TENM3: variants seen among roughly 807,000 people sequenced by gnomAD.
The protein encoded by TENM3 is teneurin-3.
A neutral mutation model predicts 255.1 loss-of-function variants in TENM3; 63 were observed. The observed-to-expected ratio is 0.25, with a 90% CI of 0.20 to 0.30. The LOEUF (loss-of-function observed/expected upper bound fraction) is 0.30. TENM3 is among the 10% of genes least tolerant of loss of function. TENM3 has a pLI of 1.00. For synonymous variants in TENM3, 1,306 were observed against 1,322.3 expected (o/e 0.99, Z 0.27); for missense variants, 2,929 against 3,461.1 (o/e 0.85, Z 3.86).
chr4:181,451,330 C>T, the TENM3 span, among the ~76,000 whole-genome samples: 3 of 152,228 alleles, frequency 2.0e-5, no homozygotes, highest in East Asian at 3.9e-4. Flanking sequence ...AGAGAACATA[C>T]TGGTGCAATG....
the TENM3 span, among the ~76,000 whole-genome samples, chr4:181,547,767 T>G: frequency 6.6e-6 from 1 of 151,336 alleles, no homozygotes; most frequent in Non-Finnish European, 1.5e-5. Context: ...ATATCCCAAC[T>G]TTTTTTTTAC....
At chr4:181,500,722 T>G in the TENM3 span, among the ~76,000 whole-genome samples, 1 of 152,226 alleles carries the variant, frequency 6.6e-6, no homozygotes, top group Non-Finnish European at 1.5e-5. Flanking sequence ...TTGTATTTAC[T>G]TTTATCGATA....
intron 1 of TENM3, among the ~76,000 whole-genome samples, chr4:182,317,216 TTC>T (rs1762799580): frequency 6.6e-6 from 1 of 152,186 alleles, no homozygotes; most frequent in Non-Finnish European, 1.5e-5. Context: ...ATATTGATTT[TTC>T]TCTGTCTCTG....
chr4:181,460,604 C>T, the TENM3 span, among the ~76,000 whole-genome samples: 2 of 50,164 alleles, frequency 4.0e-5, no homozygotes, highest in African/African-American at 1.1e-4. Context: ...ACCTTTTTTT[C>T]TGCATTAATT....
chr4:181,899,090 G>T, the TENM3 span, among the ~76,000 whole-genome samples: 1 of 151,820 alleles, frequency 6.6e-6, no homozygotes, highest in African/African-American at 2.4e-5. Flanking sequence ...TATTTTCAAA[G>T]ATTTAATCTA....
At chr4:182,335,041 G>T in intron 2 of TENM3, among the ~76,000 whole-genome samples, 1 of 151,842 alleles carries the variant, frequency 6.6e-6, no homozygotes, top group Non-Finnish European at 1.5e-5. Flanking sequence ...TTGTCCCCTT[G>T]GTGCCCAGGT....
At chr4:181,987,580 G>A in the TENM3 span, among the ~76,000 whole-genome samples, 1 of 152,102 alleles carries the variant, frequency 6.6e-6, no homozygotes, top group Non-Finnish European at 1.5e-5. Context: ...AATATGCGTA[G>A]AGTGTTGTCC....
At chr4:182,497,570 C>T (rs1031310930) in intron 3 of TENM3, among the ~76,000 whole-genome samples, 1 of 152,064 alleles carries the variant, frequency 6.6e-6, no homozygotes, top group East Asian at 1.9e-4. Context: ...ATACAACTGG[C>T]AGTTTTCCTC....
intron 1 of TENM3, among the ~76,000 whole-genome samples, chr4:182,160,237 C>T (rs1399261882): frequency 1.3e-5 from 2 of 151,628 alleles, no homozygotes; most frequent in East Asian, 1.9e-4. Context: ...CTCCTGACCT[C>T]GTGATCCGCC....
At chr4:182,271,284 C>T (rs776773932) in intron 1 of TENM3, among the ~76,000 whole-genome samples, 1 of 152,150 alleles carries the variant, frequency 6.6e-6, no homozygotes, top group African/African-American at 2.4e-5. Context: ...TTCCTAAGTG[C>T]GGCTGAAAAG....
At position 182,754,951 on chromosome 4, in the gene TENM3, T is replaced by C. The variant is rs755674146; in HGVS notation, c.4584T>C (p.Gly1528=). ...AACTCTACATCTTTGACATCAATGG[T>C]ACTCACCAATATACTGTAAGTTTAG... ...DQELYIFDIN[G]THQYTVSLVT... The change falls in exon 22 of 28, where the codon GGT becomes GGC. Residue 1528 remains glycine, a synonymous_variant. Transcript: ENST00000511685. The surrounding 1 kb of genome is among the most constrained non-coding windows in gnomAD (Gnocchi z 5.1). The C allele has an allele frequency of 1.2e-6, 2 of 1,614,034 alleles. No homozygotes were observed. The highest frequency in any genetic ancestry group is 1.3e-5 in the African/African-American group (1 of 75,074).
At chr4:181,743,091 G>A in the TENM3 span, among the ~76,000 whole-genome samples, 1 of 151,848 alleles carries the variant, frequency 6.6e-6, no homozygotes. Flanking sequence ...GGACATTTGG[G>A]TTGGTTCCAA....
chr4:182,124,051 T>C, the TENM3 span, among the ~76,000 whole-genome samples: 1 of 152,296 alleles, frequency 6.6e-6, no homozygotes, highest in South Asian at 2.1e-4. Context: ...ATTTATTTAT[T>C]TACTTTTTAA....
the TENM3 span, among the ~76,000 whole-genome samples, chr4:181,964,946 G>A: frequency 2.6e-5 from 4 of 152,134 alleles, no homozygotes; most frequent in Non-Finnish European, 5.9e-5. Flanking sequence ...CCACGTTAGG[G>A]CATTTTCTTG....
upstream of TENM3, among the ~76,000 whole-genome samples, chr4:182,241,518 C>CTTTTCTTTTTTTTT (rs1554036904): frequency 7.9e-5 from 9 of 114,274 alleles, no homozygotes; most frequent in African/African-American, 3.1e-4. Context: ...TTTTTTCTTT[C>CTTTTCTTTTTTTTT]TTTTTTTTTT....
chr4:181,740,400 A>G, the TENM3 span, among the ~76,000 whole-genome samples: 1 of 152,194 alleles, frequency 6.6e-6, no homozygotes, highest in Non-Finnish European at 1.5e-5. Context: ...CACTATGAAT[A>G]TATATGTGTT....
At chr4:182,055,427 C>G in the TENM3 span, among the ~76,000 whole-genome samples, 6,629 of 152,186 alleles carry the variant, frequency 0.044, 498 homozygotes, top group African/African-American at 0.15. Context: ...GTCTCACTCA[C>G]GCTCTGGCTC....
At chr4:181,911,536 A>G in the TENM3 span, among the ~76,000 whole-genome samples, 1 of 152,206 alleles carries the variant, frequency 6.6e-6, no homozygotes. Context: ...TTACATCTGG[A>G]GCAGCTGGCA....
At chr4:182,619,108 G>GTA (rs890447384) in intron 4 of TENM3, among the ~76,000 whole-genome samples, 1 of 152,092 alleles carries the variant, frequency 6.6e-6, no homozygotes, top group Non-Finnish European at 1.5e-5. Context: ...ACCCATAGAG[G>GTA]TATACATCAT....
Sources: allele counts gnomAD v4.1 joint callset (sites outside exome capture counted in the v4.1 genomes callset), GRCh38; gene constraint gnomAD v4.1.1; non-coding constraint Gnocchi (gnomAD v3.1); transcripts MANE v1.5; gene names NCBI Gene and HGNC (gene_info 2026-07-23, HGNC 2026-07-21).